The following PLEKHH2 variants were observed in gnomAD, a reference collection of about 807,000 sequenced individuals.
PLEKHH2 encodes pleckstrin homology, MyTH4 and FERM domain containing H2.
Under a neutral mutation model 187.9 loss-of-function variants are expected in PLEKHH2, and 129 were observed. The observed-to-expected ratio is 0.69, with a 90% CI of 0.59 to 0.79. The LOEUF (loss-of-function observed/expected upper bound fraction) is 0.79. Among genes scored for constraint, PLEKHH2 ranks in the 30% least tolerant of loss-of-function variants. The pLI, the probability that PLEKHH2 is intolerant of heterozygous loss-of-function variation, is 0.00. For missense variants in PLEKHH2, 2,076 were observed against 1,751.2 expected, an observed-to-expected ratio of 1.19 and a Z score of -3.31; for synonymous variants, 686 against 605.6, an observed-to-expected ratio of 1.13 and a Z score of -1.95.
At chr2:43,675,266 A>T in intron 2 of PLEKHH2, 1 of 616,478 alleles carries the variant, frequency 1.6e-6, no homozygotes. Context: ...TTCTAATAAT[A>T]TATGAATTAT....
chr2:43,700,513 T>C lies in PLEKHH2; in HGVS notation c.1555T>C (p.Ser519Pro). The change falls in exon 8 of 30, where the codon TCT (serine) becomes CCT (proline). Residue 519 changes from serine (S) to proline (P), a missense_variant. By Grantham distance (74) the Ser-to-Pro change is moderately conservative (BLOSUM62 -1). Transcript: ENST00000282406. ...ATTATTTTCCTATGACTCCTTGGAC[T>C]CTCCAAATTCAGATGACCAGGAACA... ...DGLFSYDSLDSPNSDDQEHCD... is the reference protein window; with the variant it reads ...DGLFSYDSLDPPNSDDQEHCD... 1 of 1,613,968 alleles carries C rather than the reference T, an allele frequency of 6.2e-7. No homozygotes were observed. Among genetic ancestry groups the C allele is most frequent in the Non-Finnish European group, 8.5e-7 (1 of 1,180,004 alleles).
At chr2:43,670,174 A>G (rs1304392163) in intron 2 of PLEKHH2, among the ~76,000 whole-genome samples, 2 of 152,202 alleles carry the variant, frequency 1.3e-5, no homozygotes, top group Non-Finnish European at 1.5e-5. Flanking sequence ...TCATTAGGAG[A>G]ATAAAATTAT....
At chr2:43,686,909 C>G (rs949053333) in intron 3 of PLEKHH2, among the ~76,000 whole-genome samples, 6 of 152,108 alleles carry the variant, frequency 3.9e-5, no homozygotes, top group African/African-American at 1.4e-4. Flanking sequence ...GCATGACATG[C>G]AAAGATCCGT....
chr2:43,704,400 G>A (rs1017386974), intron 9 of PLEKHH2, among the ~76,000 whole-genome samples: 3 of 152,022 alleles, frequency 2.0e-5, no homozygotes, highest in Admixed American at 6.6e-5. Flanking sequence ...GGTGGCTCGC[G>A]CCTGTTATCC....
chr2:43,711,258 A>G, intron 14 of PLEKHH2: 1 of 985,484 alleles, frequency 1.0e-6, no homozygotes, highest in Non-Finnish European at 1.2e-6. Context: ...TTTGCCAGAA[A>G]GGTACATTAT....
intron 2 of PLEKHH2, among the ~76,000 whole-genome samples, chr2:43,645,085 T>A (rs1332008914): frequency 6.6e-6 from 1 of 152,140 alleles, no homozygotes; most frequent in African/African-American, 2.4e-5. Flanking sequence ...TAGAGGAGTA[T>A]GACAGCTTTG....
chr2:43,688,836 A>T (rs1184923462), intron 3 of PLEKHH2, among the ~76,000 whole-genome samples: 1 of 152,212 alleles, frequency 6.6e-6, no homozygotes, highest in Non-Finnish European at 1.5e-5. Context: ...TCAATGTGTG[A>T]CAACATGTAT....
At chr2:43,681,565 C>A in intron 3 of PLEKHH2, 1 of 1,128,932 alleles carries the variant, frequency 8.9e-7, no homozygotes, top group Non-Finnish European at 1.3e-6. Flanking sequence ...TCTGTGGGCC[C>A]GCACCTTCGG....
chr2:43,744,386 T>G (rs1435428269), intron 23 of PLEKHH2, among the ~76,000 whole-genome samples: 5 of 152,150 alleles, frequency 3.3e-5, no homozygotes, highest in Admixed American at 3.3e-4. Context: ...GGACCAGAAA[T>G]AGTCCCTGCC....
chr2:43,686,549 C>T (rs1412781220), intron 3 of PLEKHH2, among the ~76,000 whole-genome samples: 1 of 152,164 alleles, frequency 6.6e-6, no homozygotes, highest in Non-Finnish European at 1.5e-5. Flanking sequence ...ATTCTAATAT[C>T]CATGACCTTG....
intron 2 of PLEKHH2, among the ~76,000 whole-genome samples, chr2:43,671,436 A>G (rs1369898868): frequency 6.6e-6 from 1 of 151,972 alleles, no homozygotes; most frequent in Non-Finnish European, 1.5e-5. Context: ...ATATTGCTTT[A>G]TTTCTTCCTT....
At chr2:43,713,271 T>C (rs950866121) in intron 15 of PLEKHH2, among the ~76,000 whole-genome samples, 1 of 152,202 alleles carries the variant, frequency 6.6e-6, no homozygotes, top group Non-Finnish European at 1.5e-5. Flanking sequence ...ATATCTGAAA[T>C]GCACAGATCT....
intron 27 of PLEKHH2, among the ~76,000 whole-genome samples, chr2:43,761,112 C>G (rs1672412028): frequency 6.6e-6 from 1 of 152,210 alleles, no homozygotes; most frequent in African/African-American, 2.4e-5. Context: ...AATCAGCCCT[C>G]AGTAGACAGT....
chr2:43,725,737 A>G (rs1195316108), intron 16 of PLEKHH2, among the ~76,000 whole-genome samples: 1 of 152,168 alleles, frequency 6.6e-6, no homozygotes, highest in Non-Finnish European at 1.5e-5. Context: ...GTTCTTTCAT[A>G]TTACTTTTAG....
intron 24 of PLEKHH2, among the ~76,000 whole-genome samples, chr2:43,746,981 AGAG>A (rs1474986953): frequency 6.6e-6 from 1 of 151,916 alleles, no homozygotes; most frequent in Non-Finnish European, 1.5e-5. Context: ...AAAAAAAAAA[AGAG>A]GAGATACCTA....
At chr2:43,718,023 G>A (rs981930865) in intron 15 of PLEKHH2, among the ~76,000 whole-genome samples, 1 of 152,122 alleles carries the variant, frequency 6.6e-6, no homozygotes, top group Admixed American at 6.5e-5. Flanking sequence ...ATACCATAGG[G>A]GCTTATGGTT....
intron 14 of PLEKHH2, 49 bp from the exon 15 acceptor site, chr2:43,712,176 C>T: frequency 6.4e-7 from 1 of 1,573,454 alleles, no homozygotes; most frequent in Non-Finnish European, 8.7e-7. Flanking sequence ...TGCTAACAAT[C>T]CTAAATCTTC....
intron 28 of PLEKHH2, among the ~76,000 whole-genome samples, chr2:43,763,563 G>A (rs927195862): frequency 2.7e-5 from 4 of 150,390 alleles, no homozygotes; most frequent in Non-Finnish European, 4.4e-5. Context: ...GGGACCACAA[G>A]CATGTACTAC....
chr2:43,681,601 G>T, intron 3 of PLEKHH2: 1 of 771,586 alleles, frequency 1.3e-6, no homozygotes, highest in South Asian at 1.5e-5. Context: ...CCTCTTTTTG[G>T]AGCTGTACAC....
Sources: gnomAD v4.1 joint callset for allele counts (sites outside exome capture counted in the v4.1 genomes callset) on GRCh38, gnomAD v4.1.1 for gene constraint, MANE v1.5 for transcripts, NCBI Gene and HGNC (gene_info 2026-07-23, HGNC 2026-07-21) for gene names.